Variants in ATP8A2 observed in about 807,000 individuals in gnomAD.
ATP8A2 encodes ATPase phospholipid transporting 8A2, also known as phospholipid-transporting ATPase IB.
A neutral mutation model predicts 165.6 loss-of-function variants in ATP8A2; 100 were observed. The observed-to-expected ratio is 0.60, with a 90% CI of 0.51 to 0.71. The LOEUF (loss-of-function observed/expected upper bound fraction) is 0.71, where lower values mean the gene tolerates loss of function less well. Ranked by LOEUF, ATP8A2 falls within the 30% of genes least tolerant of loss-of-function variation. The probability of loss-of-function intolerance (pLI) is 0.00; values close to 1 mark genes in which losing one functional copy is unlikely to be tolerated. For missense variants in ATP8A2, 1,227 were observed against 1,479.5 expected (o/e 0.83, Z 2.80); for synonymous variants, 543 against 548.8 (o/e 0.99, Z 0.15).
intron 1 of ATP8A2, among the ~76,000 whole-genome samples, chr13:25,397,065 A>G (rs12427688): frequency 0.073 from 11,080 of 152,184 alleles, 818 homozygotes; most frequent in East Asian, 0.38. Flanking sequence ...GTTTTCGCTG[A>G]GTTAAATAAA....
intron 33 of ATP8A2, among the ~76,000 whole-genome samples, chr13:25,921,962 G>A (rs562017637): frequency 6.6e-6 from 1 of 152,242 alleles, no homozygotes; most frequent in East Asian, 1.9e-4. Context: ...GTTAGATTTT[G>A]TAAAACCATT....
chr13:25,920,557 G>C (rs189708565), intron 33 of ATP8A2, among the ~76,000 whole-genome samples: 4 of 152,184 alleles, frequency 2.6e-5, no homozygotes, highest in Admixed American at 2.6e-4. Flanking sequence ...CCTCTTACCA[G>C]ACTCATCAGT....
chr13:25,595,551 G>C (rs1005978523), intron 24 of ATP8A2, among the ~76,000 whole-genome samples: 17 of 152,268 alleles, frequency 1.1e-4, no homozygotes, highest in African/African-American at 4.1e-4. Flanking sequence ...GCTGGAAATG[G>C]TATAAGGCTG....
intron 34 of ATP8A2, 71 bp from the exon 35 acceptor site, chr13:25,968,504 G>C (rs537797370): frequency 3.7e-6 from 5 of 1,356,312 alleles, no homozygotes; most frequent in East Asian, 4.7e-5. Context: ...CCTGAGAGGG[G>C]AGCGGCCTGT....
rs574710041 is a variant in ATP8A2 at position 25,499,447 on chromosome 13, G to A, written c.221+30326G>A. 6.8e-4 allele frequency among the ~76,000 whole-genome samples: 103 copies of A among 152,306 alleles called. 1 individual carries two copies. Among genetic ancestry groups the A allele is most frequent in the African/African-American group, 2.3e-3 (97 of 41,562 alleles). ...GGTGAACCACGTGTTGTCATGTTTG[G>A]GGGGTTGAATCTTGGTTTAGCTATT... is the stretch of plus-strand genomic sequence containing the variant. On this transcript the variant is annotated intron_variant, in intron 2 of 36. Coordinates refer to ENST00000381655, the MANE Select transcript of ATP8A2 (RefSeq NM_016529.6).
At chr13:25,575,452 GT>G (rs2039590788) in intron 19 of ATP8A2, among the ~76,000 whole-genome samples, 1 of 152,090 alleles carries the variant, frequency 6.6e-6, no homozygotes, top group African/African-American at 2.4e-5. Flanking sequence ...TTAATTTTTT[GT>G]TTCTTTGCCT....
chr13:25,605,853 T>C (rs577209907), intron 24 of ATP8A2, among the ~76,000 whole-genome samples: 2 of 152,340 alleles, frequency 1.3e-5, no homozygotes, highest in South Asian at 4.1e-4. Flanking sequence ...TGTTTTCTAC[T>C]GTTTATTTTG....
intron 16 of ATP8A2, among the ~76,000 whole-genome samples, chr13:25,566,147 G>A (rs2039306676): frequency 1.3e-5 from 2 of 152,038 alleles, no homozygotes; most frequent in Admixed American, 1.3e-4. Flanking sequence ...AAATGTGAGT[G>A]TATAAGGCTC....
chr13:25,614,926 C>T (rs1012983561), intron 24 of ATP8A2, among the ~76,000 whole-genome samples: 1 of 152,200 alleles, frequency 6.6e-6, no homozygotes, highest in African/African-American at 2.4e-5. Context: ...GAAGTGGACT[C>T]TGTGAGGGTA....
chr13:25,748,732 G>A (rs961261310), intron 25 of ATP8A2, among the ~76,000 whole-genome samples: 7 of 152,214 alleles, frequency 4.6e-5, no homozygotes, highest in African/African-American at 1.7e-4. Flanking sequence ...CAAATGGAGA[G>A]TAAACAGCGT....
At chr13:25,806,476 A>G (rs1204711173) in intron 27 of ATP8A2, among the ~76,000 whole-genome samples, 1 of 152,070 alleles carries the variant, frequency 6.6e-6, no homozygotes, top group Non-Finnish European at 1.5e-5. Flanking sequence ...CATTACCAGG[A>G]ATGTCATCTG....
intron 25 of ATP8A2, among the ~76,000 whole-genome samples, chr13:25,723,879 G>T (rs141898842): frequency 6.6e-5 from 10 of 152,262 alleles, no homozygotes; most frequent in African/African-American, 2.2e-4. Flanking sequence ...TTAAATCTGG[G>T]TGGAGAGAAC....
chr13:25,812,999 T>G (rs1304680151), intron 27 of ATP8A2, among the ~76,000 whole-genome samples: 2 of 151,634 alleles, frequency 1.3e-5, no homozygotes, highest in Non-Finnish European at 2.9e-5. Context: ...AAACACCGCA[T>G]GGGGAGCTGA....
At chr13:25,477,674 C>T (rs1272384505) in intron 2 of ATP8A2, among the ~76,000 whole-genome samples, 6 of 152,140 alleles carry the variant, frequency 3.9e-5, no homozygotes, top group African/African-American at 1.4e-4. Context: ...TGGTGGCTCA[C>T]ACCTGTAATC....
chr13:25,481,142 C>A (rs1036978778), intron 2 of ATP8A2, among the ~76,000 whole-genome samples: 1 of 62,628 alleles, frequency 1.6e-5, no homozygotes, highest in African/African-American at 5.6e-5. Flanking sequence ...AGAGGGAGAC[C>A]GTGGAAAGAG....
chr13:25,530,203 T>A, intron 3 of ATP8A2, 105 bp downstream of exon 3: 1 of 709,198 alleles, frequency 1.4e-6, no homozygotes. Flanking sequence ...TGGAATATAG[T>A]TTGTTTCCCT....
chr13:25,587,396 A>C (rs2039952867), intron 23 of ATP8A2, among the ~76,000 whole-genome samples: 1 of 152,158 alleles, frequency 6.6e-6, no homozygotes, highest in Admixed American at 6.5e-5. Context: ...AAATTCATGA[A>C]AGTGTCAGTA....
intron 1 of ATP8A2, among the ~76,000 whole-genome samples, chr13:25,428,195 T>A (rs1432443417): frequency 6.6e-6 from 1 of 151,184 alleles, no homozygotes; most frequent in East Asian, 1.9e-4. Flanking sequence ...AAAAAAAAAG[T>A]CTGTTAATTA....
intron 14 of ATP8A2, among the ~76,000 whole-genome samples, 173 bp from the exon 15 acceptor site, chr13:25,559,548 C>T (rs1429434910): frequency 6.6e-6 from 1 of 151,968 alleles, no homozygotes; most frequent in African/African-American, 2.4e-5. Context: ...AAAACAAAAA[C>T]AGAAAAACAG....
Sources: allele counts gnomAD v4.1 joint callset (sites outside exome capture counted in the v4.1 genomes callset), GRCh38; gene constraint gnomAD v4.1.1; transcripts MANE v1.5; gene names NCBI Gene and HGNC (gene_info 2026-07-23, HGNC 2026-07-21).